Variants in CRPPA observed in about 807,000 individuals in gnomAD.
CRPPA encodes the protein CDP-L-ribitol pyrophosphorylase A.
Under a neutral mutation model 52.0 loss-of-function variants are expected in CRPPA, and 43 were observed. The observed-to-expected ratio is 0.83, with a 90% CI of 0.65 to 1.07. The LOEUF (loss-of-function observed/expected upper bound fraction) is 1.07, where lower values mean the gene tolerates loss of function less well. Ranked by LOEUF, CRPPA falls within the 50% of genes least tolerant of loss-of-function variation. The probability of loss-of-function intolerance (pLI) is 0.00; values close to 1 mark genes in which losing one functional copy is unlikely to be tolerated. For missense variants in CRPPA, 629 were observed against 551.7 expected, an observed-to-expected ratio of 1.14 and a Z score of -1.40; for synonymous variants, 250 against 203.5, an observed-to-expected ratio of 1.23 and a Z score of -1.94.
In CRPPA at chr7:16,280,019, G is replaced by C. The variant is rs374511278; in HGVS notation, c.836-1793C>G. 1.1e-4 allele frequency among the ~76,000 whole-genome samples: 16 copies of C among 152,198 alleles called. No individual in the cohort carries two copies. In the East Asian group the frequency reaches 2.5e-3, roughly 24 times the overall value. On this transcript the variant is annotated intron_variant, in intron 5 of 9. Transcript: ENST00000407010. ...ATGCAGGGAAGAGAAGAGAGCTTGT[G>C]CAGGGAAACTCCTCTTTTTAAAACT...
chr7:16,323,561 T>C (rs1360738825), intron 3 of CRPPA, among the ~76,000 whole-genome samples: 1 of 152,200 alleles, frequency 6.6e-6, no homozygotes, highest in South Asian at 2.1e-4. Flanking sequence ...GCCAAGTCCG[T>C]TTATTGCCAA....
chr7:16,397,839 C>A (rs187889393), intron 2 of CRPPA, among the ~76,000 whole-genome samples: 1 of 152,254 alleles, frequency 6.6e-6, no homozygotes, highest in African/African-American at 2.4e-5. Context: ...CACAAAGGAT[C>A]AACACGTAAT....
chr7:16,347,260 T>C (rs1357470631), intron 3 of CRPPA, among the ~76,000 whole-genome samples: 1 of 152,128 alleles, frequency 6.6e-6, no homozygotes. Flanking sequence ...GTTTCAGAGT[T>C]CTATGACTCT....
At chr7:16,172,732 T>C (rs575251451) in intron 9 of CRPPA, among the ~76,000 whole-genome samples, 95 of 152,296 alleles carry the variant, frequency 6.2e-4, no homozygotes, top group African/African-American at 2.3e-3. Flanking sequence ...ATACTTAACA[T>C]GGTACTTTCA....
At chr7:16,203,686 T>G (rs1185005085) in intron 9 of CRPPA, among the ~76,000 whole-genome samples, 11 of 152,106 alleles carry the variant, frequency 7.2e-5, no homozygotes, top group Middle Eastern at 3.2e-3. Context: ...CTGAAGCCAT[T>G]ATCTTAGAAT....
chr7:16,294,955 A>G (rs982803312), intron 5 of CRPPA, among the ~76,000 whole-genome samples: 1 of 152,196 alleles, frequency 6.6e-6, no homozygotes, highest in South Asian at 2.1e-4. Context: ...TTTAAGTAAA[A>G]AAGTTAAAGG....
At chr7:16,173,372 T>C (rs1180349598) in intron 9 of CRPPA, among the ~76,000 whole-genome samples, 1 of 152,220 alleles carries the variant, frequency 6.6e-6, no homozygotes, top group African/African-American at 2.4e-5. Flanking sequence ...AGCATTCTTT[T>C]AGTGAGAGAG....
At position 16,278,216 on chromosome 7, in the gene CRPPA, G is replaced by C. The variant is rs1784249694; in HGVS notation, c.846C>G (p.Ser282=). The C allele has an allele frequency of 1.9e-6, 3 of 1,540,696 alleles. No homozygotes were observed. Among genetic ancestry groups the C allele is most frequent in the Non-Finnish European group, 2.6e-6 (3 of 1,133,142 alleles). Residue 282 remains serine, a synonymous_variant, in exon 6 of 10, where the codon TCC becomes TCG. Coordinates refer to ENST00000407010, the MANE Select transcript of CRPPA (RefSeq NM_001101426.4). ...AAESIIKERI[S]QEICVVMDTE... Reference sequence around the variant, plus strand: ...TATCCATAACTACACAAATCTCTTGGGAAATTCTCTCTGAAATTAAAAAAA... The same window carrying C: ...TATCCATAACTACACAAATCTCTTGCGAAATTCTCTCTGAAATTAAAAAAA...
chr7:16,278,007 G>T, intron 6 of CRPPA, 122 bp downstream of exon 6: 1 of 655,346 alleles, frequency 1.5e-6, no homozygotes, highest in South Asian at 1.7e-5. Flanking sequence ...TCTCATTGAG[G>T]CAAAATAATA....
intron 5 of CRPPA, among the ~76,000 whole-genome samples, chr7:16,285,951 C>T (rs1227826692): frequency 1.6e-5 from 2 of 123,308 alleles, no homozygotes; most frequent in Non-Finnish European, 3.4e-5. Context: ...ACCTGGGAGG[C>T]AGAGATTGCA....
chr7:16,381,751 T>G (rs1787094704), intron 2 of CRPPA, among the ~76,000 whole-genome samples: 1 of 151,910 alleles, frequency 6.6e-6, no homozygotes, highest in Non-Finnish European at 1.5e-5. Context: ...TGTAATGGCC[T>G]TCTTTGTCTC....
At chr7:16,350,609 T>C (rs1001286933) in intron 3 of CRPPA, among the ~76,000 whole-genome samples, 5 of 152,066 alleles carry the variant, frequency 3.3e-5, no homozygotes, top group Non-Finnish European at 7.4e-5. Context: ...ATCATAGATA[T>C]ACAAATGATT....
chr7:16,162,150 T>G lies in CRPPA; in HGVS notation c.1251+53916A>C, dbSNP rs566333571. Among the ~76,000 whole-genome samples the G allele has an allele frequency of 9.2e-5, 14 of 152,328 alleles. No homozygotes were observed. In the South Asian group the frequency reaches 2.9e-3, roughly 32 times the overall value. ...AAACCAGCTCCTAGATTCACTGATTTTTTGAAGGGTTTTTCGTGTCTCTCC... is the reference window on the plus strand; with the variant it reads ...AAACCAGCTCCTAGATTCACTGATTGTTTGAAGGGTTTTTCGTGTCTCTCC... On this transcript the variant is annotated intron_variant, in intron 9 of 9. Transcript: ENST00000407010.
chr7:16,087,956 A>C lies in CRPPA; in HGVS notation c.*3739T>G, dbSNP rs1385962221. 1 of 152,172 alleles carries C rather than the reference A, an allele frequency of 6.6e-6. No homozygotes were observed. Among genetic ancestry groups the C allele is most frequent in the Non-Finnish European group, 1.5e-5 (1 of 68,012 alleles). 9.4% of individuals were successfully genotyped at this position (152,172 alleles called of 1,614,324 possible). A position where few individuals can be genotyped will look rare whatever the true frequency, so the allele number is the denominator to read the frequency against. On this transcript the variant is annotated 3_prime_UTR_variant, in exon 10 of 10. Transcript: ENST00000407010. ...ATAAGATGATCACTGTATTTACATAAAGTTGAGTTATAAGTTAGGGAAGAA... is the reference window on the plus strand; with the variant it reads ...ATAAGATGATCACTGTATTTACATACAGTTGAGTTATAAGTTAGGGAAGAA...
intron 3 of CRPPA, among the ~76,000 whole-genome samples, chr7:16,339,322 A>G (rs191595965): frequency 1.5e-3 from 228 of 152,272 alleles, no homozygotes; most frequent in Admixed American, 3.1e-3. Flanking sequence ...AATTAAATCT[A>G]CTGTATAAGA....
In CRPPA at chr7:16,278,157, A is replaced by G. The variant is rs747622460; in HGVS notation, c.905T>C (p.Leu302Pro). The G allele has an allele frequency of 1.1e-5, 17 of 1,573,892 alleles. No homozygotes were observed. Among genetic ancestry groups the G allele is most frequent in the Non-Finnish European group, 1.5e-5 (17 of 1,150,088 alleles). Residue 302 changes from leucine to proline, a missense_variant, in exon 6 of 10, where the codon CTT becomes CCT. Leu to Pro is a moderately conservative substitution (Grantham distance 98). Transcript: ENST00000407010. ...TAATTCACTTTTCAGCACTTCTTCAAGAAGATGACCTACATGTTTGTTATC... is the reference window on the plus strand; with the variant it reads ...TAATTCACTTTTCAGCACTTCTTCAGGAAGATGACCTACATGTTTGTTATC... Reference protein sequence around the residue: ...EEDNKHVGHLLEEVLKSELNH... With the variant: ...EEDNKHVGHLPEEVLKSELNH...
chr7:16,106,242 CTGT>C (rs1782148904), intron 9 of CRPPA, among the ~76,000 whole-genome samples: 1 of 152,210 alleles, frequency 6.6e-6, no homozygotes, highest in African/African-American at 2.4e-5. Context: ...AAAACCCATC[CTGT>C]GGCTCCACCT....
intron 3 of CRPPA, among the ~76,000 whole-genome samples, chr7:16,328,176 C>T: frequency 6.6e-6 from 1 of 152,150 alleles, no homozygotes; most frequent in East Asian, 1.9e-4. Context: ...ATACTTAAGT[C>T]TTTTTATTTT....
chr7:16,398,261 G>A (rs1271939993), intron 2 of CRPPA, among the ~76,000 whole-genome samples: 4 of 151,860 alleles, frequency 2.6e-5, no homozygotes, highest in Non-Finnish European at 5.9e-5. Context: ...TGACTCACAC[G>A]TGACCAGTGC....
Sources: gnomAD v4.1 joint callset for allele counts (sites outside exome capture counted in the v4.1 genomes callset) on GRCh38, gnomAD v4.1.1 for gene constraint, MANE v1.5 for transcripts, NCBI Gene and HGNC (gene_info 2026-07-23, HGNC 2026-07-21) for gene names.